The following MYH2 variants were observed in gnomAD, a reference collection of about 807,000 sequenced individuals.
The protein encoded by MYH2 is myosin heavy chain 2.
Under a neutral mutation model 228.1 loss-of-function variants are expected in MYH2, and 139 were observed. That is an observed-to-expected ratio of 0.61 (90% CI 0.53 to 0.70). The LOEUF (loss-of-function observed/expected upper bound fraction) is 0.70. MYH2 is among the 30% of genes least tolerant of loss of function. The pLI, the probability that MYH2 is intolerant of heterozygous loss-of-function variation, is 0.00. For synonymous variants in MYH2, 796 were observed against 871.1 expected, an observed-to-expected ratio of 0.91 and a Z score of 1.52; for missense variants, 1,809 against 2,357.5, an observed-to-expected ratio of 0.77 and a Z score of 4.82.
Position 10,529,138 on chromosome 17 carries a change from G to A in MYH2, c.3354+24C>T, listed in dbSNP as rs140621687. On this transcript the variant is annotated intron_variant, in intron 26 of 39. Transcript: ENST00000245503. Reference sequence around the variant, plus strand: ...TTGTGTCATAACTGCCTCCGAGCCAGACTGATGAAAATCATGTACTTACTT... The same window carrying A: ...TTGTGTCATAACTGCCTCCGAGCCAAACTGATGAAAATCATGTACTTACTT... 6.8e-4 allele frequency: 1,097 copies of A among 1,614,220 alleles called. 9 individuals are homozygous for A. In the East Asian group the frequency reaches 0.01, roughly 15 times the overall value.
intron 29 of MYH2, 52 bp downstream of exon 29, chr17:10,526,886 C>T (rs2073362677): frequency 5.0e-6 from 8 of 1,612,916 alleles, no homozygotes; most frequent in Non-Finnish European, 5.9e-6. Context: ...ATAACAGGCT[C>T]CATGTAGAAT....
At chr17:10,549,193 G>A (rs765310460) in intron 2 of MYH2, among the ~76,000 whole-genome samples, 182 bp downstream of exon 2, 11 of 152,166 alleles carry the variant, frequency 7.2e-5, no homozygotes, top group Non-Finnish European at 1.3e-4. Flanking sequence ...TGCTTGAGCC[G>A]TAAATGAGGA....
chr17:10,525,109 T>G lies in MYH2; in HGVS notation c.4663-44A>C. On this transcript the variant is annotated intron_variant, in intron 33 of 39. Coordinates refer to ENST00000245503, the MANE Select transcript of MYH2 (RefSeq NM_017534.6). The surrounding 1 kb of genome is among the most constrained non-coding windows in gnomAD (Gnocchi z 4.2). ...TGACATTAGCAAGGAACCAAAAGCT[T>G]TATGAAGTTTTTCTGCACAGCAATA... 9.3e-6 allele frequency: 15 copies of G among 1,614,062 alleles called. No homozygotes were observed. The highest frequency in any genetic ancestry group is 1.2e-5 in the Non-Finnish European group (14 of 1,180,026).
chr17:10,547,937 G>C lies in MYH2; in HGVS notation c.-17C>G, dbSNP rs1424909304. ...TGAACTCATGGCTGCTGAACTCAGA[G>C]GTCCTAAAGGAGATAAAACTTTCAC... is the stretch of plus-strand genomic sequence containing the variant. On this transcript the variant is annotated 5_prime_UTR_variant, in exon 3 of 40. Coordinates refer to ENST00000245503, the MANE Select transcript of MYH2 (RefSeq NM_017534.6). 2 of 1,613,028 alleles carry C rather than the reference G, an allele frequency of 1.2e-6. No homozygotes were observed. Among genetic ancestry groups the C allele is most frequent in the Non-Finnish European group, 1.7e-6 (2 of 1,179,262 alleles).
chr17:10,530,472 G>A (rs1167792350), intron 22 of MYH2, among the ~76,000 whole-genome samples: 1 of 152,094 alleles, frequency 6.6e-6, no homozygotes, highest in Non-Finnish European at 1.5e-5. Context: ...ATTGTGGAGA[G>A]GAGCAGGAGG....
intron 10 of MYH2, among the ~76,000 whole-genome samples, chr17:10,541,973 C>T (rs2073561636): frequency 6.6e-6 from 1 of 152,076 alleles, no homozygotes; most frequent in Non-Finnish European, 1.5e-5. Context: ...TCTTATAAAT[C>T]CTTATTAAAA....
rs974071552 is a variant in MYH2, at chr17:10,528,834, C to A, written c.3600G>T (p.Lys1200Asn). The A allele has an allele frequency of 6.2e-7, 1 of 1,614,238 alleles. No individual in the cohort carries two copies. Among genetic ancestry groups the A allele is most frequent in the African/African-American group, 1.3e-5 (1 of 75,070 alleles). ...QHEATAATLR[K>N]KHADSVAELG... is the part of the protein sequence containing the mutation. ...GCTCGGCCACACTATCTGCATGCTT[C>A]TTCCTCAGGGTGGCCGCTGTGGCTT... The change falls in exon 27 of 40, where the codon AAG becomes AAT. Residue 1200 changes from lysine to asparagine, a missense_variant. Physicochemically the swap from Lys to Asn is moderately conservative, Grantham distance 94. Transcript: ENST00000245503.
chr17:10,529,497 G>A lies in MYH2; in HGVS notation c.3118-16C>T. 6.2e-7 allele frequency: 1 copy of A among 1,614,158 alleles called. No individual in the cohort carries two copies. The highest frequency in any genetic ancestry group is 8.5e-7 in the Non-Finnish European group (1 of 1,180,036). ...ACCCTTCAAGCTAAATATAAATTAT[G>A]TTGAATCAGAAGGAATGCTTATCTT... On this transcript the variant is annotated splice_polypyrimidine_tract_variant and intron_variant, in intron 24 of 39. Transcript: ENST00000245503.
chr17:10,530,533 A>AT (rs374060378), intron 22 of MYH2, among the ~76,000 whole-genome samples: 2,971 of 148,762 alleles, frequency 0.02, 77 homozygotes, highest in African/African-American at 0.059. Context: ...GCTGCTACTG[A>AT]TTTTTTTTTT....
Position 10,531,789 on chromosome 17 carries a change from C to A in MYH2, c.2541G>T (p.Lys847Asn), listed in dbSNP as rs1245985059. 1 of 1,614,088 alleles carries A rather than the reference C, an allele frequency of 6.2e-7. No homozygotes were observed. Among genetic ancestry groups the A allele is most frequent in the Non-Finnish European group, 8.5e-7 (1 of 1,180,042 alleles). Residue 847 changes from lysine (K) to asparagine (N), a missense_variant, in exon 22 of 40, where the codon AAG (lysine) becomes AAT (asparagine). Physicochemically the swap from Lys to Asn is moderately conservative, Grantham distance 94 (BLOSUM62 0). Transcript: ENST00000245503. ...KLFFKIKPLL[K>N]SAETEKEMAT... ...CCATCTCCTTCTCAGTTTCTGCACT[C>A]TTCAACAGAGGCTTGATCTTGAAGA...
In MYH2 at chr17:10,535,176, C is replaced by T. The variant is rs1426839625; in HGVS notation, c.2077G>A (p.Glu693Lys). The T allele has an allele frequency of 1.4e-5, 22 of 1,614,034 alleles. No individual in the cohort carries two copies. Among genetic ancestry groups the T allele is most frequent in the Admixed American group, 3.3e-5 (2 of 60,000 alleles). Residue 693 changes from glutamate to lysine, a missense_variant, in exon 19 of 40, where the codon GAG becomes AAG. Coordinates refer to ENST00000245503, the MANE Select transcript of MYH2 (RefSeq NM_017534.6). ...ETKTPGAMEH[E>K]LVLHQLRCNG... ...CACCTCAGCTGGTGGAGGACAAGCT[C>T]ATGCTCCATGGCACCTAAAAATGCA...
chr17:10,539,680 T>G, intron 12 of MYH2, 118 bp from the exon 13 acceptor site: 1 of 1,226,808 alleles, frequency 8.2e-7, no homozygotes, highest in Non-Finnish European at 1.2e-6. Context: ...TTTCTGAGTA[T>G]CCTTACCCAT....
rs138088239 is a variant in MYH2, at chr17:10,536,420, A to G, written c.1974+110T>C. On this transcript the variant is annotated intron_variant, in intron 17 of 39. Transcript: ENST00000245503. ...AATAAATGTAATGTGATATTAGTAT[A>G]TGAATAGATAAATATATCCTTAGAA... is the stretch of plus-strand genomic sequence containing the variant. 9.7e-4 allele frequency: 835 copies of G among 861,954 alleles called. 10 individuals carry two copies. The African/African-American group carries it at 0.013, about 13-fold the overall frequency. The allele number at this position is 861,954 out of a possible 1,614,324, so 53.4% of individuals were successfully genotyped here. A position where few individuals can be genotyped will look rare whatever the true frequency, so the allele number is the denominator to read the frequency against.
In MYH2 at chr17:10,543,026, C is replaced by T. The variant is rs576517040; in HGVS notation, c.806-53G>A. 2,624 of 1,584,352 alleles carry T rather than the reference C, an allele frequency of 1.7e-3. 7 individuals carry two copies. The highest frequency in any genetic ancestry group is 1.9e-3 in the Non-Finnish European group (2,215 of 1,153,326). On this transcript the variant is annotated intron_variant, in intron 9 of 39. Coordinates refer to ENST00000245503, the MANE Select transcript of MYH2 (RefSeq NM_017534.6). Reference sequence around the variant, plus strand: ...AAATTGTAAAAATTCATGTGACATGCGAATTTGATTTTTGGTCAGTTTTTT... The same window carrying T: ...AAATTGTAAAAATTCATGTGACATGTGAATTTGATTTTTGGTCAGTTTTTT...
chr17:10,525,878 T>C lies in MYH2; in HGVS notation c.4188-2A>G, dbSNP rs749076811. On this transcript the variant is annotated splice_acceptor_variant, in intron 30 of 39. Transcript: ENST00000245503. LOFTEE classifies it high-confidence loss of function. This position sits in a 1 kb window ranked among gnomAD's most constrained non-coding sequence, Gnocchi z 4.2. ...TGCAGCCGCTGGGCCAGCTTCTTCCTTGAATATTATACATGTTTTCAGAGA... is the reference window on the plus strand; with the variant it reads ...TGCAGCCGCTGGGCCAGCTTCTTCCCTGAATATTATACATGTTTTCAGAGA... The C allele has an allele frequency of 1.2e-6, 2 of 1,613,850 alleles. No individual in the cohort carries two copies. The highest frequency in any genetic ancestry group is 1.7e-6 in the Non-Finnish European group (2 of 1,179,866).
At position 10,529,397 on chromosome 17, in the gene MYH2, C is replaced by T. The variant is rs752686587; in HGVS notation, c.3202G>A (p.Ala1068Thr). 1 of 1,614,142 alleles carries T rather than the reference C, an allele frequency of 6.2e-7. No individual in the cohort carries two copies. The highest frequency in any genetic ancestry group is 2.2e-5 in the East Asian group (1 of 44,880). Residue 1068 changes from alanine (A) to threonine (T), a missense_variant, in exon 25 of 40, where the codon GCC (alanine) becomes ACC (threonine). Physicochemically the swap from Ala to Thr is moderately conservative, Grantham distance 58. Around this residue, in one of 9 missense-constraint regions of MYH2, gnomAD observed 636 missense variants for 729.9 expected, o/e 0.87. Coordinates refer to ENST00000245503, the MANE Select transcript of MYH2 (RefSeq NM_017534.6). ...KRKLEGDLKL[A>T]QESIMDIENE... is the part of the protein sequence containing the mutation. ...TCAATGTCCATTATGGATTCTTGGG[C>T]CAACTTCAAGTCACCCTCAAGTTTC...
At position 10,546,146 on chromosome 17, in the gene MYH2, C is replaced by G. The variant is rs140198315; in HGVS notation, c.349-644G>C. On this transcript the variant is annotated intron_variant, in intron 4 of 39. Coordinates refer to ENST00000245503, the MANE Select transcript of MYH2 (RefSeq NM_017534.6). The stretch of plus-strand genomic sequence containing the variant: ...GGTTAGGTGAACTATGGTAAATCTT[C>G]TAAGACAATTTGATGCAGGCATTTA... Among the ~76,000 whole-genome samples the G allele has an allele frequency of 6.8e-3, 1,022 of 151,062 alleles. 12 individuals carry two copies. Among genetic ancestry groups the G allele is most frequent in the Non-Finnish European group, 0.01 (704 of 67,828 alleles).
rs926517791 is a variant in MYH2, at chr17:10,547,656, G to A, written c.205-38C>T. On this transcript the variant is annotated intron_variant, in intron 3 of 39. Coordinates refer to ENST00000245503, the MANE Select transcript of MYH2 (RefSeq NM_017534.6). ...AAAGATAACCGTTTACATTAATTGA[G>A]TGACCAAACAACAACAACAAAAATC... 3.1e-6 allele frequency: 5 copies of A among 1,614,040 alleles called. No homozygotes were observed. In the African/African-American group the frequency reaches 5.3e-5, roughly 17 times the overall value.
chr17:10,522,919 T>C (rs2073301686), intron 39 of MYH2, among the ~76,000 whole-genome samples, 171 bp downstream of exon 39: 1 of 152,200 alleles, frequency 6.6e-6, no homozygotes. Flanking sequence ...GATTGAAAGT[T>C]TACTTTTAAA....
Sources: gnomAD v4.1 joint callset for allele counts (sites outside exome capture counted in the v4.1 genomes callset) on GRCh38, gnomAD v4.1.1 for gene constraint, gnomAD v4.1.1 regional missense constraint, Gnocchi (gnomAD v3.1) non-coding constraint, MANE v1.5 for transcripts, NCBI Gene and HGNC (gene_info 2026-07-23, HGNC 2026-07-21) for gene names.